The following DBX2 variants were observed in gnomAD, a reference collection of about 807,000 sequenced individuals.
The protein encoded by DBX2 is developing brain homeobox 2, also known as homeobox protein DBX2.
In DBX2, 16 loss-of-function variants were observed where a neutral mutation model predicts 17.7. The observed-to-expected ratio is 0.90, with a 90% confidence interval of 0.61 to 1.37. DBX2 has a LOEUF of 1.37. DBX2 is among the 40% of genes most tolerant of loss of function. The pLI is 0.00. For synonymous variants in DBX2, 255 were observed against 183.8 expected, an observed-to-expected ratio of 1.39 and a Z score of -3.13; for missense variants, 538 against 433.8, an observed-to-expected ratio of 1.24 and a Z score of -2.13.
At chr12:45,031,225 T>TGTGTGTGTGTGTGTGTGTGAGA (rs1377897653) in intron 2 of DBX2, among the ~76,000 whole-genome samples, 4 of 85,622 alleles carry the variant, frequency 4.7e-5, no homozygotes, top group Non-Finnish European at 6.7e-5. Flanking sequence ...TGTGTGTGTG[T>TGTGTGTGTGTGTGTGTGTGAGA]GAGAGAGAGA....
chr12:45,037,544 A>G, intron 1 of DBX2, among the ~76,000 whole-genome samples: 1 of 152,130 alleles, frequency 6.6e-6, no homozygotes, highest in African/African-American at 2.4e-5. Flanking sequence ...CTTGAAAATA[A>G]ATATTTTTAT....
At chr12:45,043,148 T>C (rs1946480925) in intron 1 of DBX2, among the ~76,000 whole-genome samples, 1 of 152,180 alleles carries the variant, frequency 6.6e-6, no homozygotes, top group Non-Finnish European at 1.5e-5. Context: ...GTATCTGATA[T>C]TGGTTATCTT....
chr12:45,048,405 G>A (rs949359827), intron 1 of DBX2, among the ~76,000 whole-genome samples: 2 of 152,088 alleles, frequency 1.3e-5, no homozygotes, highest in Non-Finnish European at 2.9e-5. Flanking sequence ...TTATCTTCCC[G>A]AAAACAAAGC....
chr12:45,049,678 T>C (rs929440326), intron 1 of DBX2, among the ~76,000 whole-genome samples: 1 of 133,962 alleles, frequency 7.5e-6, no homozygotes, highest in Non-Finnish European at 1.6e-5. Flanking sequence ...AAAAAAAAAA[T>C]CCAATTGGGT....
At chr12:45,036,642 A>T (rs1182767031) in intron 1 of DBX2, among the ~76,000 whole-genome samples, 3 of 152,226 alleles carry the variant, frequency 2.0e-5, no homozygotes, top group African/African-American at 7.2e-5. Context: ...CCAAGAAATG[A>T]TTTAAATGTT....
chr12:45,036,460 CTA>C (rs1386831865), intron 1 of DBX2, among the ~76,000 whole-genome samples: 1 of 152,144 alleles, frequency 6.6e-6, no homozygotes, highest in African/African-American at 2.4e-5. Context: ...TTGGAAATGT[CTA>C]TGTCTGTATT....
rs1360320979 is a variant in DBX2, at chr12:45,015,292, C to G, written c.*994G>C. 1 of 152,178 alleles carries G rather than the reference C, an allele frequency of 6.6e-6. No individual in the cohort carries two copies. The highest frequency in any genetic ancestry group is 1.9e-4 in the East Asian group (1 of 5,194). 9.4% of individuals were successfully genotyped at this position (152,178 alleles called of 1,614,324 possible). On this transcript the variant is annotated 3_prime_UTR_variant, in exon 4 of 4. Transcript: ENST00000332700. ...TTGAGTCCCTAACTAGAAGCGCAAA[C>G]AGAAATCATCATTGATTCTGTTAGT...
intron 3 of DBX2, among the ~76,000 whole-genome samples, 183 bp downstream of exon 3, chr12:45,023,524 C>G (rs1003849789): frequency 2.6e-5 from 4 of 152,166 alleles, no homozygotes; most frequent in Non-Finnish European, 5.9e-5. Context: ...AAAAGCATTT[C>G]AAGAACACCT....
intron 1 of DBX2, among the ~76,000 whole-genome samples, chr12:45,042,157 T>G (rs1946474910): frequency 6.6e-6 from 1 of 152,054 alleles, no homozygotes. Context: ...GATGAGACCG[T>G]GAAAAGAACA....
At chr12:45,044,684 A>C (rs1002587561) in intron 1 of DBX2, among the ~76,000 whole-genome samples, 1 of 152,170 alleles carries the variant, frequency 6.6e-6, no homozygotes, top group Non-Finnish European at 1.5e-5. Flanking sequence ...TGGTTCTAAA[A>C]GTCTAAAAAC....
intron 1 of DBX2, among the ~76,000 whole-genome samples, chr12:45,043,515 C>T (rs1592759302): frequency 6.6e-6 from 1 of 152,162 alleles, no homozygotes; most frequent in East Asian, 1.9e-4. Context: ...ACTTGGAAAG[C>T]CCAAGTGTGA....
intron 1 of DBX2, among the ~76,000 whole-genome samples, chr12:45,045,616 T>A (rs141098895): frequency 6.6e-6 from 1 of 152,332 alleles, no homozygotes; most frequent in African/African-American, 2.4e-5. Flanking sequence ...CAAAGAGAAC[T>A]ATCATGGAGT....
chr12:45,036,427 T>C (rs1946441564), intron 1 of DBX2, among the ~76,000 whole-genome samples: 1 of 152,150 alleles, frequency 6.6e-6, no homozygotes, highest in Non-Finnish European at 1.5e-5. Flanking sequence ...AACAACACTG[T>C]CCAAGAAAAC....
chr12:45,028,242 T>G (rs1355252890), intron 2 of DBX2, among the ~76,000 whole-genome samples: 1 of 152,140 alleles, frequency 6.6e-6, no homozygotes, highest in Non-Finnish European at 1.5e-5. Context: ...GCCAAGGGTG[T>G]CTGAAACAAG....
intron 3 of DBX2, among the ~76,000 whole-genome samples, chr12:45,018,946 A>G (rs2137017634): frequency 6.6e-6 from 1 of 152,112 alleles, no homozygotes; most frequent in South Asian, 2.1e-4. Flanking sequence ...ATAGTCATTA[A>G]TAGAAACATA....
intron 2 of DBX2, among the ~76,000 whole-genome samples, chr12:45,029,659 GT>G (rs1946398302): frequency 6.6e-6 from 1 of 152,052 alleles, no homozygotes; most frequent in Admixed American, 6.6e-5. Context: ...GAGGTCAGGA[GT>G]TTGAGACCAG....
At chr12:45,018,319 T>C (rs1205499260) in intron 3 of DBX2, among the ~76,000 whole-genome samples, 3 of 152,184 alleles carry the variant, frequency 2.0e-5, no homozygotes, top group South Asian at 2.1e-4. Flanking sequence ...TATAAATATT[T>C]GTTGTCAAGT....
At chr12:45,045,648 A>G (rs1024895463) in intron 1 of DBX2, among the ~76,000 whole-genome samples, 1 of 152,200 alleles carries the variant, frequency 6.6e-6, no homozygotes, top group African/African-American at 2.4e-5. Flanking sequence ...TTAGGTTCCA[A>G]TATCTGAACC....
At chr12:45,021,167 C>T (rs1472192744) in intron 3 of DBX2, among the ~76,000 whole-genome samples, 1 of 151,970 alleles carries the variant, frequency 6.6e-6, no homozygotes, top group Non-Finnish European at 1.5e-5. Context: ...GTAATTGATA[C>T]ATTTGTGTAA....
Sources: allele counts gnomAD v4.1 joint callset (sites outside exome capture counted in the v4.1 genomes callset), GRCh38; gene constraint gnomAD v4.1.1; transcripts MANE v1.5; gene names NCBI Gene and HGNC (gene_info 2026-07-23, HGNC 2026-07-21).